Variants in HHLA2 observed in about 807,000 individuals in gnomAD.
HHLA2 encodes HHLA2 member of B7 family, also known as HERV-H LTR-associating protein 2.
Under a neutral mutation model 45.9 loss-of-function variants are expected in HHLA2, and 48 were observed. That is an observed-to-expected ratio of 1.05 (90% confidence interval 0.83 to 1.33). The LOEUF is 1.33. Among genes scored for constraint, HHLA2 ranks in the 40% most tolerant of loss-of-function variants. The probability of loss-of-function intolerance (pLI) is 0.00; values close to 1 mark genes in which losing one functional copy is unlikely to be tolerated. For synonymous variants in HHLA2, 161 were observed against 173.9 expected, an observed-to-expected ratio of 0.93 and a Z score of 0.59; for missense variants, 462 against 494.3, an observed-to-expected ratio of 0.93 and a Z score of 0.62.
intron 7 of HHLA2, among the ~76,000 whole-genome samples, chr3:108,361,175 C>CCAAA (rs2081978317): frequency 1.3e-5 from 2 of 152,168 alleles, no homozygotes; most frequent in Non-Finnish European, 2.9e-5. Flanking sequence ...CTGAGGAGCT[C>CCAAA]CAAACACTAT....
At chr3:108,366,580 G>A (rs2082066677) in intron 8 of HHLA2, among the ~76,000 whole-genome samples, 1 of 152,204 alleles carries the variant, frequency 6.6e-6, no homozygotes, top group South Asian at 2.1e-4. Flanking sequence ...ACCTCTGGTA[G>A]AATTCGGCTG....
intron 2 of HHLA2, among the ~76,000 whole-genome samples, chr3:108,320,204 AT>A (rs1372222221): frequency 6.6e-6 from 1 of 152,172 alleles, no homozygotes; most frequent in Admixed American, 6.5e-5. Flanking sequence ...AAGGTTTTTG[AT>A]ATTTGTTGCC....
chr3:108,300,387 A>G (rs1250009214), intron 1 of HHLA2, among the ~76,000 whole-genome samples: 1 of 152,176 alleles, frequency 6.6e-6, no homozygotes, highest in Non-Finnish European at 1.5e-5. Flanking sequence ...TGAGTCAAAG[A>G]TTCAGGTGCA....
chr3:108,326,011 A>G, intron 2 of HHLA2: 2 of 319,416 alleles, frequency 6.3e-6, no homozygotes, highest in Non-Finnish European at 1.2e-5. Context: ...TTATGAAAGC[A>G]AAGCCCCTCT....
chr3:108,372,634 G>A (rs2082199255), intron 8 of HHLA2, among the ~76,000 whole-genome samples: 1 of 152,156 alleles, frequency 6.6e-6, no homozygotes, highest in Non-Finnish European at 1.5e-5. Flanking sequence ...AATAAAAAAT[G>A]ATAAAGGGGA....
chr3:108,329,127 T>C (rs2081341588), intron 3 of HHLA2, among the ~76,000 whole-genome samples: 2 of 152,142 alleles, frequency 1.3e-5, no homozygotes, highest in South Asian at 4.1e-4. Flanking sequence ...CTGGAATAAA[T>C]GTAGATCATT....
chr3:108,349,612 G>C (rs1248523213), intron 3 of HHLA2, among the ~76,000 whole-genome samples: 1 of 152,020 alleles, frequency 6.6e-6, no homozygotes, highest in African/African-American at 2.4e-5. Flanking sequence ...CCAAACAATA[G>C]AAAAAGAGGG....
chr3:108,306,514 G>T (rs534992346), intron 1 of HHLA2, among the ~76,000 whole-genome samples: 9 of 152,092 alleles, frequency 5.9e-5, no homozygotes, highest in African/African-American at 1.9e-4. Context: ...CCCTCTGTGC[G>T]TGTGTGTGAA....
At chr3:108,318,447 G>A (rs1264507692) in intron 2 of HHLA2, among the ~76,000 whole-genome samples, 2 of 152,146 alleles carry the variant, frequency 1.3e-5, no homozygotes, top group Non-Finnish European at 2.9e-5. Flanking sequence ...GGGTTACAGG[G>A]TAAACTGACC....
At chr3:108,354,792 T>C (rs554494619) in intron 5 of HHLA2, among the ~76,000 whole-genome samples, 3 of 152,272 alleles carry the variant, frequency 2.0e-5, no homozygotes, top group Admixed American at 2.0e-4. Context: ...TGAACTCTAC[T>C]TTATAGACTT....
intron 7 of HHLA2, among the ~76,000 whole-genome samples, chr3:108,360,373 T>C (rs527353138): frequency 6.6e-6 from 1 of 152,212 alleles, no homozygotes; most frequent in African/African-American, 2.4e-5. Flanking sequence ...AGATAGAAGA[T>C]TCATTTTCAC....
chr3:108,377,399 C>A, exon 11 of HHLA2: 1 of 694,358 alleles, frequency 1.4e-6, no homozygotes, highest in Non-Finnish European at 2.5e-6. Flanking sequence ...TCTACCACTG[C>A]AAAGAGTTGT....
At chr3:108,362,008 T>G (rs2081990802) in intron 7 of HHLA2, among the ~76,000 whole-genome samples, 1 of 152,126 alleles carries the variant, frequency 6.6e-6, no homozygotes, top group African/African-American at 2.4e-5. Flanking sequence ...ATGTATTACC[T>G]CTCCAGTTTT....
intron 8 of HHLA2, among the ~76,000 whole-genome samples, chr3:108,375,228 G>A (rs2082250373): frequency 6.6e-6 from 1 of 150,498 alleles, no homozygotes; most frequent in African/African-American, 2.5e-5. Flanking sequence ...CTATCGCAAG[G>A]ACAAAAAACC....
At chr3:108,352,375 T>C (rs2081794969) in intron 4 of HHLA2, among the ~76,000 whole-genome samples, 1 of 152,162 alleles carries the variant, frequency 6.6e-6, no homozygotes, top group African/African-American at 2.4e-5. Context: ...TAAGTCTCTC[T>C]GAGGAAGAGA....
intron 1 of HHLA2, among the ~76,000 whole-genome samples, chr3:108,299,194 A>T (rs1000418752): frequency 6.6e-6 from 1 of 152,122 alleles, no homozygotes; most frequent in Admixed American, 6.6e-5. Flanking sequence ...TTGACAAATT[A>T]TATTCCTAAT....
At chr3:108,329,283 A>G (rs2081344068) in intron 3 of HHLA2, among the ~76,000 whole-genome samples, 1 of 151,972 alleles carries the variant, frequency 6.6e-6, no homozygotes, top group Admixed American at 6.6e-5. Flanking sequence ...ATCAGCCAAC[A>G]TGGCCTTGGA....
intron 3 of HHLA2, among the ~76,000 whole-genome samples, chr3:108,340,802 TCTCTTGAAAACAAGGATTTA>T (rs1429230044): frequency 6.6e-6 from 1 of 152,028 alleles, no homozygotes; most frequent in Admixed American, 6.5e-5. Flanking sequence ...TTTTTAAAGA[TCTCTTGAAAACAAGGATTTA>T]CTCTTTTTTT....
At chr3:108,323,612 C>A in intron 2 of HHLA2, among the ~76,000 whole-genome samples, 1 of 152,102 alleles carries the variant, frequency 6.6e-6, no homozygotes, top group East Asian at 1.9e-4. Flanking sequence ...GAAATCCGTA[C>A]TATGTTCTAA....
Sources: allele counts gnomAD v4.1 joint callset (sites outside exome capture counted in the v4.1 genomes callset), GRCh38; gene constraint gnomAD v4.1.1; transcripts MANE v1.5; gene names NCBI Gene and HGNC (gene_info 2026-07-23, HGNC 2026-07-21).